Variants in NRXN3 observed in about 807,000 individuals in gnomAD.
NRXN3 encodes the protein neurexin 3, also known as neurexin III.
In NRXN3, 32 loss-of-function variants were observed where a neutral mutation model predicts 137.6. That is an observed-to-expected ratio of 0.23 (90% CI 0.18 to 0.31). The LOEUF (loss-of-function observed/expected upper bound fraction) is 0.31. Ranked by LOEUF, NRXN3 falls within the 10% of genes least tolerant of loss-of-function variation. NRXN3 has a pLI of 1.00. For missense variants in NRXN3, 1,574 were observed against 2,062.5 expected (o/e 0.76, Z 4.59); for synonymous variants, 798 against 784.5 (o/e 1.02, Z -0.29).
intron 15 of NRXN3, among the ~76,000 whole-genome samples, chr14:79,129,896 C>G (rs2057177720): frequency 7.0e-6 from 1 of 143,508 alleles, no homozygotes; most frequent in Admixed American, 7.0e-5. Context: ...GGATAGTTAG[C>G]TCTTCTTGTT....
chr14:78,863,391 G>T (rs542628545), intron 10 of NRXN3, among the ~76,000 whole-genome samples: 2 of 152,076 alleles, frequency 1.3e-5, no homozygotes, highest in South Asian at 4.2e-4. Context: ...TTAGTCTCTG[G>T]GCTTGACCTA....
chr14:78,853,303 T>C (rs978486126), intron 10 of NRXN3, among the ~76,000 whole-genome samples: 1 of 152,088 alleles, frequency 6.6e-6, no homozygotes, highest in African/African-American at 2.4e-5. Context: ...TACCTATGAG[T>C]GAGAACATGC....
At chr14:78,197,143 G>A (rs1271430045) in intron 1 of NRXN3, among the ~76,000 whole-genome samples, 2 of 152,180 alleles carry the variant, frequency 1.3e-5, no homozygotes, top group Non-Finnish European at 2.9e-5. Context: ...AGCTCTGCCC[G>A]TGGCTCTGTG....
Position 78,715,133 on chromosome 14 carries a change from G to A in NRXN3, c.2038G>A (p.Glu680Lys), listed in dbSNP as rs2098425318. 9.3e-6 allele frequency: 15 copies of A among 1,606,396 alleles called. No homozygotes were observed. Among genetic ancestry groups the A allele is most frequent in the Non-Finnish European group, 1.3e-5 (15 of 1,177,270 alleles). ...CACCGGATACTGGGGAAGAACCTGC[G>A]AAAGGGGTGAGTCGGCCTAGAGGAT... is the stretch of plus-strand genomic sequence containing the variant. The part of the protein sequence containing the change: ...TGTGYWGRTC[E>K]REASILSYDG... The change falls in exon 8 of 21, where the codon GAA becomes AAA. Residue 680 changes from glutamate (E) to lysine (K), a missense_variant. Physicochemically the swap from Glu to Lys is moderately conservative, Grantham distance 56 (BLOSUM62 1). Coordinates refer to ENST00000335750, the MANE Select transcript of NRXN3 (RefSeq NM_001330195.2).
chr14:78,772,142 G>T (rs926585851), intron 8 of NRXN3, among the ~76,000 whole-genome samples: 2 of 152,094 alleles, frequency 1.3e-5, no homozygotes, highest in Non-Finnish European at 2.9e-5. Context: ...TTTGAATTTT[G>T]TAGCACTTTG....
intron 19 of NRXN3, among the ~76,000 whole-genome samples, chr14:79,792,300 C>T (rs1361370678): frequency 3.9e-5 from 6 of 152,178 alleles, no homozygotes; most frequent in Non-Finnish European, 4.4e-5. Flanking sequence ...AAAGCAGCCT[C>T]TTCAATTATA....
chr14:79,089,714 G>A (rs2048804613), intron 15 of NRXN3, among the ~76,000 whole-genome samples: 2 of 151,966 alleles, frequency 1.3e-5, no homozygotes, highest in Admixed American at 1.3e-4. Flanking sequence ...GACGATGACT[G>A]CAGAACTTTT....
Position 78,381,857 on chromosome 14 carries a change from A to T in NRXN3, c.757+83997A>T, listed in dbSNP as rs558693307. On this transcript the variant is annotated intron_variant, in intron 4 of 20. Coordinates refer to ENST00000335750, the MANE Select transcript of NRXN3 (RefSeq NM_001330195.2). ...CAAAGGGTACATATTATATGATTTC[A>T]TTCTTTATTCTTTCTTTAAATGACA... Among the ~76,000 whole-genome samples the T allele has an allele frequency of 2.6e-5, 4 of 152,338 alleles. No individual in the cohort carries two copies. The South Asian group carries it at 8.3e-4, about 32-fold the overall frequency.
rs369248574 is a variant in NRXN3 at position 78,505,190 on chromosome 14, G to GT, written c.758-139920dup. On this transcript the variant is annotated intron_variant, in intron 4 of 20. Transcript: ENST00000335750. ...GGCTGAAGTCAACCTACCTAGGAAG[G>GT]TTTTTTTTTTAAGATGAGGTGGAAG... Among the ~76,000 whole-genome samples the GT allele has an allele frequency of 1.1e-3, 166 of 149,362 alleles. 1 individual carries two copies. The highest frequency in any genetic ancestry group is 2.6e-3 in the African/African-American group (107 of 40,766).
At chr14:78,654,766 C>T (rs927137480) in intron 6 of NRXN3, among the ~76,000 whole-genome samples, 3 of 152,088 alleles carry the variant, frequency 2.0e-5, no homozygotes, top group Admixed American at 2.0e-4. Context: ...TTGTTGTATC[C>T]CCAGCTCCTA....
intron 6 of NRXN3, among the ~76,000 whole-genome samples, chr14:78,694,564 A>G (rs2098206471): frequency 6.6e-6 from 1 of 151,934 alleles, no homozygotes; most frequent in Admixed American, 6.6e-5. Context: ...TCTAATGCAC[A>G]TGTTTAATTT....
At chr14:78,503,911 C>T (rs555333154) in intron 4 of NRXN3, among the ~76,000 whole-genome samples, 5 of 152,090 alleles carry the variant, frequency 3.3e-5, no homozygotes, top group Non-Finnish European at 7.4e-5. Flanking sequence ...TGATTATTTT[C>T]CAGAATGTGT....
chr14:78,207,056 G>A (rs758563673), intron 1 of NRXN3, among the ~76,000 whole-genome samples: 1 of 151,956 alleles, frequency 6.6e-6, no homozygotes, highest in Non-Finnish European at 1.5e-5. Flanking sequence ...TAGAGAAGGG[G>A]TTTCACCATG....
intron 15 of NRXN3, among the ~76,000 whole-genome samples, chr14:79,357,643 A>G (rs992282260): frequency 2.0e-5 from 3 of 152,174 alleles, no homozygotes; most frequent in South Asian, 2.1e-4. Flanking sequence ...ATGAGGTCCA[A>G]TTTTCTCAGC....
At chr14:78,431,819 G>T (rs73311806) in intron 4 of NRXN3, among the ~76,000 whole-genome samples, 11,950 of 152,102 alleles carry the variant, frequency 0.079, 1,216 homozygotes, top group African/African-American at 0.23. Flanking sequence ...CTGAACTACA[G>T]CCATTACATG....
chr14:79,132,151 CG>C, intron 15 of NRXN3, among the ~76,000 whole-genome samples: 1 of 152,370 alleles, frequency 6.6e-6, no homozygotes, highest in Middle Eastern at 3.4e-3. Context: ...GCGTTGCTCA[CG>C]CTGGGAGCTG....
At chr14:79,082,712 A>G (rs2047304996) in intron 15 of NRXN3, among the ~76,000 whole-genome samples, 1 of 152,120 alleles carries the variant, frequency 6.6e-6, no homozygotes, top group Non-Finnish European at 1.5e-5. Flanking sequence ...CATGCACGTT[A>G]CATCAGGCAT....
At chr14:79,057,130 T>C (rs2099666687) in intron 15 of NRXN3, among the ~76,000 whole-genome samples, 1 of 152,240 alleles carries the variant, frequency 6.6e-6, no homozygotes, top group African/African-American at 2.4e-5. Flanking sequence ...AAATGTTATT[T>C]GGTATGTAAA....
chr14:79,119,755 C>A (rs2152918801), intron 15 of NRXN3, among the ~76,000 whole-genome samples: 1 of 152,060 alleles, frequency 6.6e-6, no homozygotes, highest in Admixed American at 6.5e-5. Flanking sequence ...TTCTTTTTTT[C>A]ATTTTTTCTA....
Sources: allele counts gnomAD v4.1 joint callset (sites outside exome capture counted in the v4.1 genomes callset), GRCh38; gene constraint gnomAD v4.1.1; transcripts MANE v1.5; gene names NCBI Gene and HGNC (gene_info 2026-07-23, HGNC 2026-07-21).